The following BORCS7 variants were observed in gnomAD, a reference collection of about 807,000 sequenced individuals.
BORCS7 encodes BLOC-1-related complex subunit 7.
BORCS7 carries 20 observed loss-of-function variants against 17.5 expected under a neutral mutation model. The observed-to-expected ratio is 1.14, with a 90% CI of 0.80 to 1.66. The LOEUF (loss-of-function observed/expected upper bound fraction) is 1.66, where lower values mean the gene tolerates loss of function less well. Ranked by LOEUF, BORCS7 falls within the 40% of genes most tolerant of loss-of-function variation. BORCS7 has a pLI of 0.00. For missense variants in BORCS7, 122 were observed against 129.7 expected, an observed-to-expected ratio of 0.94 and a Z score of 0.29; for synonymous variants, 57 against 49.8, an observed-to-expected ratio of 1.14 and a Z score of -0.61.
rs1217941603 is a variant in BORCS7, at chr10:102,864,933, A to G, written c.*2009A>G. ...TGTGTGATAATACCAAAGCAGTACT[A>G]TAAGAAAATAAGCATGCTTTAAATC... On this transcript the variant is annotated 3_prime_UTR_variant, in exon 5 of 5. Transcript: ENST00000339834. 6.6e-6 allele frequency: 1 copy of G among 152,200 alleles called. No individual in the cohort carries two copies. Among genetic ancestry groups the G allele is most frequent in the Non-Finnish European group, 1.5e-5 (1 of 68,014 alleles). The allele number at this position is 152,200 out of a possible 1,614,324, so 9.4% of individuals were successfully genotyped here. A position where few individuals can be genotyped will look rare whatever the true frequency, so the allele number is the denominator to read the frequency against.
intron 1 of BORCS7, among the ~76,000 whole-genome samples, chr10:102,854,887 T>C (rs1590210383): frequency 2.0e-5 from 3 of 147,768 alleles, no homozygotes; most frequent in East Asian, 3.9e-4. Flanking sequence ...ATATATTACG[T>C]ATTATATAAT....
rs973269048 is a variant in BORCS7, at chr10:102,862,203, G to C, written c.269+23G>C. On this transcript the variant is annotated intron_variant, in intron 4 of 4. Transcript: ENST00000339834. ...GAAGTAAGTAACCCCAAAGGTAGAG[G>C]AGTAGGGAACCAACTGAAGCAGGCT... 3.1e-6 allele frequency: 5 copies of C among 1,604,852 alleles called. No homozygotes were observed. The African/African-American group carries it at 6.7e-5, about 21-fold the overall frequency.
intron 3 of BORCS7, among the ~76,000 whole-genome samples, chr10:102,860,986 C>T (rs1218910206): frequency 6.6e-6 from 1 of 152,134 alleles, no homozygotes; most frequent in East Asian, 1.9e-4. Context: ...AAGTGTGGCA[C>T]CTGCTACATA....
In BORCS7 at chr10:102,858,959, G is replaced by A. The variant is rs572652635; in HGVS notation, c.142-1373G>A. On this transcript the variant is annotated intron_variant, in intron 1 of 4. Transcript: ENST00000339834. ...GCTGAATTTAGGTATGCCAGGAGCA[G>A]GGTGCAGTATTAGGCCAGAAATCTC... is the stretch of plus-strand genomic sequence containing the variant. 1.0e-3 allele frequency among the ~76,000 whole-genome samples: 155 copies of A among 151,860 alleles called. 2 individuals carry two copies. Among genetic ancestry groups the A allele is most frequent in the Non-Finnish European group, 1.6e-4 (11 of 67,988 alleles).
At chr10:102,858,164 CA>C (rs778132309) in intron 1 of BORCS7, among the ~76,000 whole-genome samples, 28 of 111,326 alleles carry the variant, frequency 2.5e-4, no homozygotes, top group South Asian at 8.9e-4. Flanking sequence ...GACCATGTCT[CA>C]AAAAAAAAAA....
intron 1 of BORCS7, among the ~76,000 whole-genome samples, chr10:102,857,760 A>G (rs1294734172): frequency 1.3e-5 from 2 of 152,186 alleles, no homozygotes; most frequent in Admixed American, 1.3e-4. Flanking sequence ...AGAGTGTGGT[A>G]CTCTGCAGTT....
At chr10:102,856,525 C>A (rs1235271126) in intron 1 of BORCS7, among the ~76,000 whole-genome samples, 1 of 152,108 alleles carries the variant, frequency 6.6e-6, no homozygotes, top group African/African-American at 2.4e-5. Context: ...GTTGCTATTG[C>A]TATGAAAACT....
chr10:102,862,229 G>A (rs1237557277), intron 4 of BORCS7, 49 bp downstream of exon 4: 2 of 1,558,352 alleles, frequency 1.3e-6, no homozygotes, highest in Non-Finnish European at 8.8e-7. Flanking sequence ...GAAGCAGGCT[G>A]GGGGGATTTA....
At chr10:102,854,978 A>C (rs547407267) in intron 1 of BORCS7, among the ~76,000 whole-genome samples, 2 of 147,280 alleles carry the variant, frequency 1.4e-5, no homozygotes, top group African/African-American at 4.9e-5. Context: ...TAATATATGT[A>C]ATATATATTA....
At chr10:102,862,522 C>T (rs1303728385) in intron 4 of BORCS7, among the ~76,000 whole-genome samples, 1 of 152,212 alleles carries the variant, frequency 6.6e-6, no homozygotes, top group Non-Finnish European at 1.5e-5. Context: ...AAATTTGTCC[C>T]TTGCAACATT....
chr10:102,863,020 C>A lies in BORCS7; in HGVS notation c.*96C>A. ...TCTGGGTTTGGTTTTCTATTTTCTT[C>A]TCCAAAAGTTAAGTTAGAAAAGTTC... On this transcript the variant is annotated 3_prime_UTR_variant, in exon 5 of 5. Coordinates refer to ENST00000339834, the MANE Select transcript of BORCS7 (RefSeq NM_001136200.2). 1 of 1,186,166 alleles carries A rather than the reference C, an allele frequency of 8.4e-7. No individual in the cohort carries two copies. Among genetic ancestry groups the A allele is most frequent in the South Asian group, 1.2e-5 (1 of 80,352 alleles). The allele number at this position is 1,186,166 out of a possible 1,614,324, so 73.5% of individuals were successfully genotyped here.
At chr10:102,858,960 G>T (rs993793529) in intron 1 of BORCS7, among the ~76,000 whole-genome samples, 3 of 151,594 alleles carry the variant, frequency 2.0e-5, no homozygotes, top group Admixed American at 2.0e-4. Context: ...CCAGGAGCAG[G>T]GTGCAGTATT....
chr10:102,861,055 C>T (rs938972667), intron 3 of BORCS7, among the ~76,000 whole-genome samples: 1 of 152,182 alleles, frequency 6.6e-6, no homozygotes, highest in African/African-American at 2.4e-5. Flanking sequence ...ATAATTTGCT[C>T]TTCATCTTAT....
chr10:102,860,367 G>A lies in BORCS7; in HGVS notation c.177G>A (p.Gln59=), dbSNP rs1844496568. 6.2e-7 allele frequency: 1 copy of A among 1,613,984 alleles called. No homozygotes were observed. ...LGQAARNMVL[Q]EDAILHSEDS... ...AGGCAGCTCGAAACATGGTACTCCA[G>A]GAAGATGCCATCTTGCACTCAGAAG... Residue 59 remains glutamine, a synonymous_variant, in exon 2 of 5, where the codon CAG becomes CAA. Transcript: ENST00000339834.
chr10:102,857,520 A>T (rs1437787958), intron 1 of BORCS7, among the ~76,000 whole-genome samples: 1 of 152,210 alleles, frequency 6.6e-6, no homozygotes, highest in East Asian at 1.9e-4. Flanking sequence ...ATTTGGCAAT[A>T]TGTAGCAAAA....
rs1844533101 is a variant in BORCS7 at position 102,862,198 on chromosome 10, TAGA to T, written c.269+19_269+21del. ...CAGAAGAAGTAAGTAACCCCAAAGG[TAGA>T]GGAGTAGGGAACCAACTGAAGCAGG... On this transcript the variant is annotated intron_variant, in intron 4 of 4. Transcript: ENST00000339834. 4.4e-6 allele frequency: 7 copies of T among 1,605,986 alleles called. No individual in the cohort carries two copies. Among genetic ancestry groups the T allele is most frequent in the Non-Finnish European group, 5.1e-6 (6 of 1,172,732 alleles).
In BORCS7 at chr10:102,854,280, A is replaced by C; in HGVS notation, c.-7A>C. On this transcript the variant is annotated 5_prime_UTR_variant, in exon 1 of 5. Transcript: ENST00000339834. ...CATCGTCAGTGCGCAACCGTTCGCT[A>C]ACTGAAATGATGGCGACTGGAACGC... 3.1e-6 allele frequency: 5 copies of C among 1,605,592 alleles called. No homozygotes were observed. The highest frequency in any genetic ancestry group is 3.4e-6 in the Non-Finnish European group (4 of 1,176,200).
intron 1 of BORCS7, among the ~76,000 whole-genome samples, chr10:102,855,024 A>G (rs1313280753): frequency 1.3e-5 from 2 of 148,594 alleles, no homozygotes; most frequent in Non-Finnish European, 3.0e-5. Flanking sequence ...ATAGTTAACC[A>G]CCTGTAAATA....
Position 102,862,139 on chromosome 10 carries a change from CT to C in BORCS7, c.249-20del, listed in dbSNP as rs1844532094. On this transcript the variant is annotated intron_variant, in intron 3 of 4. Transcript: ENST00000339834. Reference sequence around the variant, plus strand: ...TATTAGTTCACTTATGTGTATTTTCCTCTTTCCTTTTCTGATTTAGGCAAGA... The same window carrying C: ...TATTAGTTCACTTATGTGTATTTTCCCTTTCCTTTTCTGATTTAGGCAAGA... 6.3e-7 allele frequency: 1 copy of C among 1,598,306 alleles called. No homozygotes were observed. Among genetic ancestry groups the C allele is most frequent in the Non-Finnish European group, 8.6e-7 (1 of 1,165,860 alleles).
Sources: allele counts gnomAD v4.1 joint callset (sites outside exome capture counted in the v4.1 genomes callset), GRCh38; gene constraint gnomAD v4.1.1; transcripts MANE v1.5; gene names NCBI Gene and HGNC (gene_info 2026-07-23, HGNC 2026-07-21).